The following CAT variants were observed in gnomAD, a reference collection of about 807,000 sequenced individuals.
CAT encodes catalase, also known as epididymis secretory sperm binding protein.
In CAT, 43 loss-of-function variants were observed where a neutral mutation model predicts 59.0. The observed-to-expected ratio is 0.73, with a 90% CI of 0.57 to 0.94. The LOEUF is 0.94. CAT is among the 40% of genes least tolerant of loss of function. CAT has a pLI of 0.00. For synonymous variants in CAT, 218 were observed against 230.9 expected, an observed-to-expected ratio of 0.94 and a Z score of 0.51; for missense variants, 664 against 682.9, an observed-to-expected ratio of 0.97 and a Z score of 0.31.
rs368080807 is a variant in CAT, at chr11:34,454,882, T to C, written c.711+956T>C. Among the ~76,000 whole-genome samples the C allele has an allele frequency of 3.3e-5, 5 of 152,292 alleles. No homozygotes were observed. The East Asian group carries it at 7.7e-4, about 24-fold the overall frequency. ...TAGATAATTGTGGCCTTGGGCATAG[T>C]ATTAAAAGTTCTTTGAGCTCCAGTT... On this transcript the variant is annotated intron_variant, in intron 6 of 12. Coordinates refer to ENST00000241052, the MANE Select transcript of CAT (RefSeq NM_001752.4).
chr11:34,453,773 T>A (rs1235711617), intron 5 of CAT, 28 bp from the exon 6 acceptor site: 1 of 1,606,042 alleles, frequency 6.2e-7, no homozygotes, highest in Non-Finnish European at 8.5e-7. Flanking sequence ...AATGAAAACA[T>A]TTTAGGCTTT....
rs368765196 is a variant in CAT at position 34,459,746 on chromosome 11, G to T, written c.1057-1505G>T. ...GGTAAGGTTGCCTGATAAACACAGG[G>T]TGACACAAAATCAGAATTAGGTGAT... is the stretch of plus-strand genomic sequence containing the variant. On this transcript the variant is annotated intron_variant, in intron 8 of 12. Transcript: ENST00000241052. 2.4e-3 allele frequency among the ~76,000 whole-genome samples: 372 copies of T among 152,320 alleles called. 1 individual carries two copies. The highest frequency in any genetic ancestry group is 8.5e-3 in the African/African-American group (353 of 41,562).
chr11:34,449,885 G>A (rs1470418458), intron 2 of CAT, among the ~76,000 whole-genome samples: 1 of 152,208 alleles, frequency 6.6e-6, no homozygotes, highest in Non-Finnish European at 1.5e-5. Context: ...AGTTCAAGGT[G>A]GTGGGAGGCC....
intron 1 of CAT, among the ~76,000 whole-genome samples, chr11:34,441,120 T>C (rs761721502): frequency 6.6e-6 from 1 of 152,214 alleles, no homozygotes; most frequent in Admixed American, 6.5e-5. Context: ...TAGCTGCTCT[T>C]AGTAAAAACC....
Position 34,456,914 on chromosome 11 carries a change from A to G in CAT, c.1056+97A>G. 4 of 1,288,312 alleles carry G rather than the reference A, an allele frequency of 3.1e-6. No individual in the cohort carries two copies. In the East Asian group the frequency reaches 9.5e-5, roughly 31 times the overall value. The allele number at this position is 1,288,312 out of a possible 1,614,324, so 79.8% of individuals were successfully genotyped here. On this transcript the variant is annotated intron_variant, in intron 8 of 12. Transcript: ENST00000241052. ...GGCATGATCTTTATGTGAGGAATTA[A>G]CAAGAACATTACTTAAACTTTAATC...
chr11:34,456,300 A>G lies in CAT; in HGVS notation c.903+98A>G, dbSNP rs554316797. 3.2e-4 allele frequency: 301 copies of G among 933,154 alleles called. 2 individuals are homozygous for G. The South Asian group carries it at 3.8e-3, about 12-fold the overall frequency. 57.8% of individuals were successfully genotyped at this position (933,154 alleles called of 1,614,324 possible). On this transcript the variant is annotated intron_variant, in intron 7 of 12. Coordinates refer to ENST00000241052, the MANE Select transcript of CAT (RefSeq NM_001752.4). ...AAACAATTATAATAATGGGGAAGTC[A>G]TATACAAAATACAGAGGGTACCACT...
Position 34,471,576 on chromosome 11 carries a change from T to G in CAT, c.*143T>G. 1 of 717,388 alleles carries G rather than the reference T, an allele frequency of 1.4e-6. No homozygotes were observed. Among genetic ancestry groups the G allele is most frequent in the Non-Finnish European group, 2.5e-6 (1 of 392,644 alleles). The allele number at this position is 717,388 out of a possible 1,614,324, so 44.4% of individuals were successfully genotyped here. A position where few individuals can be genotyped will look rare whatever the true frequency, so the allele number is the denominator to read the frequency against. On this transcript the variant is annotated 3_prime_UTR_variant, in exon 13 of 13. Transcript: ENST00000241052. ...GAGAATCCCACTTTCTATAGCAGAT[T>G]GTGTAACAATTTTAATGCTATTTCC...
At chr11:34,453,963 C>T (rs1417368068) in intron 6 of CAT, 37 bp downstream of exon 6, 2 of 1,607,036 alleles carry the variant, frequency 1.2e-6, no homozygotes, top group Non-Finnish European at 8.5e-7. Context: ...TACAAGGCTC[C>T]TACCGCATAC....
chr11:34,450,257 A>G (rs1222794924), intron 2 of CAT, among the ~76,000 whole-genome samples: 1 of 152,202 alleles, frequency 6.6e-6, no homozygotes, highest in African/African-American at 2.4e-5. Flanking sequence ...CTGGGTAATT[A>G]CTGGAATGAG....
At chr11:34,466,196 C>A (rs1358877566) in intron 10 of CAT, among the ~76,000 whole-genome samples, 1 of 152,240 alleles carries the variant, frequency 6.6e-6, no homozygotes, top group Non-Finnish European at 1.5e-5. Flanking sequence ...TTTGCCTCTG[C>A]TCAGTCTCAG....
intron 9 of CAT, among the ~76,000 whole-genome samples, chr11:34,462,489 A>G (rs1014180017): frequency 1.8e-4 from 28 of 152,150 alleles, no homozygotes; most frequent in African/African-American, 6.5e-4. Flanking sequence ...GCAGTGCATG[A>G]TCTTGGCTCA....
intron 10 of CAT, 146 bp from the exon 11 acceptor site, chr11:34,468,142 G>A: frequency 1.4e-6 from 1 of 699,944 alleles, no homozygotes; most frequent in Admixed American, 2.2e-5. Context: ...AAAAAGTGAA[G>A]GACACAACCC....
intron 8 of CAT, chr11:34,460,750 C>T (rs1856640720): frequency 4.3e-6 from 1 of 231,700 alleles, no homozygotes; most frequent in African/African-American, 2.3e-5. Context: ...GCCACTGTGC[C>T]CAGTTGGAAG....
intron 11 of CAT, 143 bp from the exon 12 acceptor site, chr11:34,470,815 G>T (rs1856764319): frequency 1.3e-6 from 1 of 772,462 alleles, no homozygotes. Flanking sequence ...TCTGAGGCTG[G>T]CATTGTTAAA....
At chr11:34,445,697 G>C (rs1856445138) in intron 1 of CAT, among the ~76,000 whole-genome samples, 1 of 151,888 alleles carries the variant, frequency 6.6e-6, no homozygotes, top group African/African-American at 2.4e-5. Flanking sequence ...TGTTAACAAG[G>C]ACCTCTCCAG....
At chr11:34,453,964 T>C (rs748286212) in intron 6 of CAT, 38 bp downstream of exon 6, 1 of 1,605,452 alleles carries the variant, frequency 6.2e-7, no homozygotes, top group Non-Finnish European at 8.5e-7. Flanking sequence ...ACAAGGCTCC[T>C]ACCGCATACC....
At chr11:34,464,324 A>G (rs938348359) in intron 10 of CAT, 89 bp downstream of exon 10, 77 of 1,261,800 alleles carry the variant, frequency 6.1e-5, no homozygotes, top group Non-Finnish European at 7.9e-5. Flanking sequence ...AAATGCCCCA[A>G]CTGTCTGATG....
At position 34,456,670 on chromosome 11, in the gene CAT, G is replaced by T; in HGVS notation, c.909G>T (p.Trp303Cys). 3.1e-6 allele frequency: 5 copies of T among 1,614,018 alleles called. No individual in the cohort carries two copies. The highest frequency in any genetic ancestry group is 4.2e-6 in the Non-Finnish European group (5 of 1,179,898). ...GAATATGACATCATTTTCAGGTTTGGCCTCACAAGGACTACCCTCTCATCC... is the reference window on the plus strand; with the variant it reads ...GAATATGACATCATTTTCAGGTTTGTCCTCACAAGGACTACCCTCTCATCC... ...PFNPFDLTKV[W>C]PHKDYPLIPV... Residue 303 changes from tryptophan (W) to cysteine (C), a missense_variant, in exon 8 of 13, where the codon TGG (tryptophan) becomes TGT (cysteine). Coordinates refer to ENST00000241052, the MANE Select transcript of CAT (RefSeq NM_001752.4).
At chr11:34,462,626 C>T (rs1738813120) in intron 9 of CAT, among the ~76,000 whole-genome samples, 1 of 152,054 alleles carries the variant, frequency 6.6e-6, no homozygotes, top group African/African-American at 2.4e-5. Context: ...TTTCATTGGC[C>T]AGGCTGGTCC....
Sources: allele counts gnomAD v4.1 joint callset (sites outside exome capture counted in the v4.1 genomes callset), GRCh38; gene constraint gnomAD v4.1.1; transcripts MANE v1.5; gene names NCBI Gene and HGNC (gene_info 2026-07-23, HGNC 2026-07-21).